Variants in SIL1 observed in about 807,000 individuals in gnomAD.
The protein encoded by SIL1 is nucleotide exchange factor SIL1.
Under a neutral mutation model 49.1 loss-of-function variants are expected in SIL1, and 40 were observed. The observed-to-expected ratio is 0.81, with a 90% CI of 0.63 to 1.06. The LOEUF (loss-of-function observed/expected upper bound fraction) is 1.06. Ranked by LOEUF, SIL1 falls within the 50% of genes least tolerant of loss-of-function variation. SIL1 has a pLI of 0.00. For missense variants in SIL1, 500 were observed against 572.6 expected (o/e 0.87, Z 1.29); for synonymous variants, 253 against 250.8 (o/e 1.01, Z -0.08).
At chr5:139,144,832 C>A (rs921657130) in intron 1 of SIL1, among the ~76,000 whole-genome samples, 4 of 151,922 alleles carry the variant, frequency 2.6e-5, no homozygotes, top group African/African-American at 7.3e-5. Flanking sequence ...GACTGAGCCA[C>A]TGCACTCCAG....
intron 1 of SIL1, among the ~76,000 whole-genome samples, chr5:139,161,536 C>T (rs889260061): frequency 1.3e-5 from 2 of 152,182 alleles, no homozygotes; most frequent in African/African-American, 4.8e-5. Flanking sequence ...AGCTAATGAA[C>T]ATCTGTCGGC....
At chr5:139,098,809 C>CTTTTTTTTTTT (rs59863544) in intron 3 of SIL1, among the ~76,000 whole-genome samples, 9 of 89,046 alleles carry the variant, frequency 1.0e-4, no homozygotes, top group African/African-American at 1.2e-4. Flanking sequence ...TTTTCTTACT[C>CTTTTTTTTTTT]TTTTTTTTTT....
At chr5:139,034,875 C>T (rs754144060) in intron 5 of SIL1, among the ~76,000 whole-genome samples, 2 of 152,196 alleles carry the variant, frequency 1.3e-5, no homozygotes, top group African/African-American at 2.4e-5. Context: ...TTAATTTACA[C>T]TCCCACCAAC....
chr5:139,071,771 G>A (rs891994435), intron 3 of SIL1, among the ~76,000 whole-genome samples: 5 of 150,564 alleles, frequency 3.3e-5, no homozygotes, highest in Non-Finnish European at 5.9e-5. Flanking sequence ...CGGTTCAAGC[G>A]ATTCTCTGCC....
intron 3 of SIL1, among the ~76,000 whole-genome samples, chr5:139,089,277 C>G (rs1770291023): frequency 6.6e-6 from 1 of 152,184 alleles, no homozygotes; most frequent in African/African-American, 2.4e-5. Flanking sequence ...ACATACTACT[C>G]ACTACTCAAT....
At chr5:138,983,419 A>C (rs955026087) in intron 7 of SIL1, among the ~76,000 whole-genome samples, 5 of 151,498 alleles carry the variant, frequency 3.3e-5, no homozygotes, top group Non-Finnish European at 7.4e-5. Flanking sequence ...GAGGCAGGAG[A>C]ATGGCGTGAA....
chr5:139,138,316 A>T (rs891842651), intron 1 of SIL1, among the ~76,000 whole-genome samples: 2 of 152,224 alleles, frequency 1.3e-5, no homozygotes, highest in African/African-American at 4.8e-5. Context: ...GGCTTGCCTA[A>T]GCATACCAGC....
At chr5:139,110,168 C>A (rs1288976284) in intron 3 of SIL1, among the ~76,000 whole-genome samples, 3 of 137,594 alleles carry the variant, frequency 2.2e-5, no homozygotes, top group African/African-American at 2.8e-5. Flanking sequence ...GACTCTGTCT[C>A]GAAAAAAAAA....
intron 5 of SIL1, among the ~76,000 whole-genome samples, chr5:139,042,314 G>T (rs954836705): frequency 6.6e-6 from 1 of 152,106 alleles, no homozygotes; most frequent in Non-Finnish European, 1.5e-5. Flanking sequence ...ACTCCACTCA[G>T]GCCTGTGATA....
intron 3 of SIL1, among the ~76,000 whole-genome samples, chr5:139,077,291 AC>A (rs1769973916): frequency 6.6e-6 from 1 of 152,266 alleles, no homozygotes; most frequent in Admixed American, 6.5e-5. Context: ...ACCTTTATGA[AC>A]AAAATACAAT....
intron 4 of SIL1, among the ~76,000 whole-genome samples, chr5:139,047,739 G>A (rs2150450632): frequency 6.6e-6 from 1 of 152,316 alleles, no homozygotes; most frequent in East Asian, 1.9e-4. Context: ...CACCATCAAA[G>A]GCTCACTGAG....
intron 4 of SIL1, 125 bp from the exon 5 acceptor site, chr5:139,042,844 T>A: frequency 2.3e-6 from 2 of 860,666 alleles, no homozygotes; most frequent in Non-Finnish European, 3.9e-6. Flanking sequence ...ACAAAAAATT[T>A]AAAAATATTA....
chr5:139,152,618 C>A (rs1027529361), intron 1 of SIL1, among the ~76,000 whole-genome samples: 1 of 141,840 alleles, frequency 7.1e-6, no homozygotes, highest in Non-Finnish European at 1.5e-5. Context: ...GAGACAACAT[C>A]TTGGGAAAAA....
chr5:139,029,459 A>C (rs1281552703), intron 5 of SIL1, among the ~76,000 whole-genome samples: 3 of 152,210 alleles, frequency 2.0e-5, no homozygotes, highest in Admixed American at 2.0e-4. Context: ...CCATACTTAG[A>C]AAGATGTATG....
intron 3 of SIL1, among the ~76,000 whole-genome samples, chr5:139,073,933 T>C (rs1333021547): frequency 2.6e-5 from 4 of 152,126 alleles, no homozygotes; most frequent in African/African-American, 7.2e-5. Flanking sequence ...TAATAATACA[T>C]TGTATTCCTG....
intron 1 of SIL1, among the ~76,000 whole-genome samples, chr5:139,170,979 G>A (rs1260783990): frequency 5.5e-5 from 8 of 145,552 alleles, no homozygotes; most frequent in South Asian, 2.3e-4. Flanking sequence ...CCGGCCAGCC[G>A]CCCCGTCCGG....
chr5:139,117,713 GAAGA>G (rs1463528600), intron 3 of SIL1, among the ~76,000 whole-genome samples: 2 of 152,154 alleles, frequency 1.3e-5, no homozygotes, highest in Non-Finnish European at 2.9e-5. Flanking sequence ...AAATAAACCA[GAAGA>G]AAGAGACAGG....
At chr5:138,975,340 G>A (rs1214312807) in intron 7 of SIL1, among the ~76,000 whole-genome samples, 1 of 152,066 alleles carries the variant, frequency 6.6e-6, no homozygotes, top group Non-Finnish European at 1.5e-5. Context: ...CCCCTGACAC[G>A]CCACCACTTC....
chr5:139,142,861 C>T (rs1368096372), intron 1 of SIL1, among the ~76,000 whole-genome samples: 3 of 151,884 alleles, frequency 2.0e-5, no homozygotes, highest in Non-Finnish European at 2.9e-5. Context: ...CTCTGCCTTC[C>T]GGGTTCACGC....
Sources: gnomAD v4.1 joint callset for allele counts (sites outside exome capture counted in the v4.1 genomes callset) on GRCh38, gnomAD v4.1.1 for gene constraint, MANE v1.5 for transcripts, NCBI Gene and HGNC (gene_info 2026-07-23, HGNC 2026-07-21) for gene names.